Variants in ITGAV observed in about 807,000 individuals in gnomAD.
ITGAV encodes integrin alpha-V.
ITGAV carries 76 observed loss-of-function variants against 143.8 expected under a neutral mutation model. The ratio of observed to expected loss-of-function variants is 0.53; its 90% confidence interval spans 0.44 to 0.64. The LOEUF (loss-of-function observed/expected upper bound fraction) is 0.64. Among genes scored for constraint, ITGAV ranks in the 30% least tolerant of loss-of-function variants. The probability of loss-of-function intolerance (pLI) is 0.00; values close to 1 mark genes in which losing one functional copy is unlikely to be tolerated. For missense variants in ITGAV, 1,193 were observed against 1,274.7 expected (o/e 0.94, Z 0.98); for synonymous variants, 453 against 446.7 (o/e 1.01, Z -0.18).
chr2:186,600,805 A>G (rs574738290), intron 1 of ITGAV, among the ~76,000 whole-genome samples: 25 of 152,290 alleles, frequency 1.6e-4, no homozygotes, highest in Middle Eastern at 3.4e-3. Context: ...CTAAAAATAT[A>G]AAAATTAGCC....
Position 186,664,531 on chromosome 2 carries a change from C to T in ITGAV, c.1963C>T (p.Leu655=), listed in dbSNP as rs202078042. The T allele has an allele frequency of 9.7e-5, 157 of 1,613,914 alleles. 5 individuals are homozygous for T. The South Asian group carries it at 1.7e-3, about 17-fold the overall frequency. ...KKIYIGDDNP[L]TLIVKAQNQG... is the part of the protein sequence containing the mutation. Reference sequence around the variant, plus strand: ...GATCTATATTGGGGATGACAACCCTCTGACATTGATTGTTAAGGCTCAGAA... The same window carrying T: ...GATCTATATTGGGGATGACAACCCTTTGACATTGATTGTTAAGGCTCAGAA... The change falls in exon 20 of 30, where the codon CTG becomes TTG. Residue 655 remains leucine (L), a synonymous_variant. Transcript: ENST00000261023.
At chr2:186,640,772 A>G (rs1688079653) in intron 10 of ITGAV, 143 bp from the exon 11 acceptor site, 1 of 645,124 alleles carries the variant, frequency 1.6e-6, no homozygotes, top group African/African-American at 1.8e-5. Flanking sequence ...GTGTTGGTAG[A>G]ATAAACAAAA....
chr2:186,652,232 T>G, intron 15 of ITGAV, 143 bp downstream of exon 15: 1 of 619,646 alleles, frequency 1.6e-6, no homozygotes, highest in Non-Finnish European at 2.9e-6. Context: ...TTTTTTTATT[T>G]GAAGCAAGGT....
At chr2:186,651,093 T>C (rs541372374) in intron 14 of ITGAV, among the ~76,000 whole-genome samples, 13 of 152,354 alleles carry the variant, frequency 8.5e-5, no homozygotes, top group African/African-American at 2.9e-4. Flanking sequence ...TTATTCTCTG[T>C]ATTTCATCAA....
chr2:186,630,073 G>C (rs762827618), intron 4 of ITGAV, among the ~76,000 whole-genome samples: 1 of 151,946 alleles, frequency 6.6e-6, no homozygotes, highest in Non-Finnish European at 1.5e-5. Context: ...TTAGATCTCC[G>C]TACTAAACGT....
chr2:186,628,868 A>G (rs1687746312), intron 4 of ITGAV, among the ~76,000 whole-genome samples: 1 of 152,076 alleles, frequency 6.6e-6, no homozygotes, highest in Admixed American at 6.6e-5. Flanking sequence ...AGTACAGTGT[A>G]GTGTTATAGA....
chr2:186,659,909 A>T (rs1195200814), intron 18 of ITGAV, among the ~76,000 whole-genome samples: 1 of 151,908 alleles, frequency 6.6e-6, no homozygotes, highest in East Asian at 1.9e-4. Context: ...TAATAATCAT[A>T]GTATATGTGC....
intron 1 of ITGAV, among the ~76,000 whole-genome samples, chr2:186,596,372 T>G (rs61763615): frequency 0.014 from 2,181 of 152,302 alleles, 25 homozygotes; most frequent in South Asian, 0.054. Flanking sequence ...ACACTTTCAT[T>G]AGTCATTCTT....
intron 2 of ITGAV, among the ~76,000 whole-genome samples, chr2:186,621,260 C>T (rs907925621): frequency 3.3e-5 from 5 of 152,080 alleles, no homozygotes; most frequent in East Asian, 1.9e-4. Context: ...CAATGAACAA[C>T]GAACAACACA....
intron 1 of ITGAV, among the ~76,000 whole-genome samples, chr2:186,591,785 A>G (rs1686622968): frequency 6.6e-6 from 1 of 152,018 alleles, no homozygotes. Context: ...TTGTTAGTGG[A>G]GACATTATTT....
At chr2:186,601,286 C>A (rs1262236086) in intron 1 of ITGAV, among the ~76,000 whole-genome samples, 2 of 151,476 alleles carry the variant, frequency 1.3e-5, no homozygotes, top group Non-Finnish European at 2.9e-5. Context: ...CGAGACCCCA[C>A]CCCTACAGAA....
chr2:186,662,360 G>T (rs921142594), intron 18 of ITGAV, among the ~76,000 whole-genome samples: 1 of 152,050 alleles, frequency 6.6e-6, no homozygotes, highest in African/African-American at 2.4e-5. Context: ...ATATTTTTGT[G>T]TTTCCTTCAA....
intron 5 of ITGAV, among the ~76,000 whole-genome samples, chr2:186,631,254 A>G (rs1276456456): frequency 6.6e-6 from 1 of 152,224 alleles, no homozygotes; most frequent in Non-Finnish European, 1.5e-5. Context: ...TTAGAGTTAC[A>G]TAAAAGCTGG....
intron 2 of ITGAV, among the ~76,000 whole-genome samples, chr2:186,618,350 G>A (rs972702467): frequency 6.6e-6 from 1 of 152,150 alleles, no homozygotes; most frequent in Non-Finnish European, 1.5e-5. Flanking sequence ...GCCAATATAC[G>A]CCAATGCATT....
chr2:186,604,980 A>C (rs1319085358), intron 2 of ITGAV, among the ~76,000 whole-genome samples: 5 of 152,198 alleles, frequency 3.3e-5, no homozygotes, highest in African/African-American at 1.2e-4. Flanking sequence ...TCCCACCTGG[A>C]CTATTGCCCT....
intron 1 of ITGAV, among the ~76,000 whole-genome samples, chr2:186,594,445 TC>T (rs556033237): frequency 2.1e-4 from 32 of 152,336 alleles, no homozygotes; most frequent in African/African-American, 7.0e-4. Context: ...TTTAAGGTTT[TC>T]TTGATTCCAT....
intron 26 of ITGAV, among the ~76,000 whole-genome samples, chr2:186,673,198 T>C (rs1209821958): frequency 1.3e-5 from 2 of 152,256 alleles, no homozygotes; most frequent in Admixed American, 6.5e-5. Flanking sequence ...TAAATGGTCT[T>C]GGCAGTCTTG....
In ITGAV at chr2:186,641,456, G is replaced by A. The variant is rs200548852; in HGVS notation, c.1027G>A (p.Gly343Arg). ...RGSDGKLQEV[G>R]QVSVSLQRAS... is the part of the protein sequence containing the mutation. ...CTCTGATGGCAAACTCCAAGAGGTG[G>A]GGCAGGTCTCAGTGTCTCTACAGAG... Residue 343 changes from glycine (G) to arginine (R), a missense_variant, in exon 12 of 30, where the codon GGG becomes AGG. Physicochemically the swap from Gly to Arg is moderately radical, Grantham distance 125 (BLOSUM62 -2). Transcript: ENST00000261023. 2 of 1,614,128 alleles carry A rather than the reference G, an allele frequency of 1.2e-6. No homozygotes were observed. Among genetic ancestry groups the A allele is most frequent in the Non-Finnish European group, 1.7e-6 (2 of 1,180,000 alleles).
chr2:186,601,298 AT>A (rs113018602), intron 1 of ITGAV, among the ~76,000 whole-genome samples: 108 of 150,136 alleles, frequency 7.2e-4, no homozygotes, highest in Middle Eastern at 3.5e-3. Context: ...CCTACAGAAA[AT>A]TTAAAAAAAA....
Sources: allele counts gnomAD v4.1 joint callset (sites outside exome capture counted in the v4.1 genomes callset), GRCh38; gene constraint gnomAD v4.1.1; transcripts MANE v1.5; gene names NCBI Gene and HGNC (gene_info 2026-07-23, HGNC 2026-07-21).